The following CDH2 variants were observed in gnomAD, a reference collection of about 807,000 sequenced individuals.
CDH2 encodes the protein cadherin-2.
CDH2 carries 17 observed loss-of-function variants against 92.0 expected under a neutral mutation model. The observed-to-expected ratio is 0.18, with a 90% confidence interval of 0.13 to 0.28. The LOEUF (loss-of-function observed/expected upper bound fraction) is 0.28, where lower values mean the gene tolerates loss of function less well. Ranked by LOEUF, CDH2 falls within the 10% of genes least tolerant of loss-of-function variation. CDH2 has a pLI of 1.00. For synonymous variants in CDH2, 419 were observed against 415.9 expected, an observed-to-expected ratio of 1.01 and a Z score of -0.09; for missense variants, 862 against 1,133.1, an observed-to-expected ratio of 0.76 and a Z score of 3.44.
chr18:27,947,140 G>A (rs1909287438), downstream of CDH2, among the ~76,000 whole-genome samples: 1 of 151,746 alleles, frequency 6.6e-6, no homozygotes, highest in Non-Finnish European at 1.5e-5. Context: ...ATGATTGTTT[G>A]TCAGGAAAAT....
At chr18:28,105,005 A>C (rs1464152927) in intron 2 of CDH2, among the ~76,000 whole-genome samples, 2 of 152,040 alleles carry the variant, frequency 1.3e-5, no homozygotes, top group East Asian at 3.9e-4. Flanking sequence ...TATTGAAGAA[A>C]ATTTTCAATG....
At chr18:27,975,155 T>TG (rs1255297738) in intron 14 of CDH2, among the ~76,000 whole-genome samples, 1 of 152,122 alleles carries the variant, frequency 6.6e-6, no homozygotes, top group Non-Finnish European at 1.5e-5. Context: ...CTGGAGAGAC[T>TG]GAGAAGAAAA....
intron 2 of CDH2, among the ~76,000 whole-genome samples, chr18:28,138,862 T>C (rs553179771): frequency 7.6e-4 from 116 of 152,202 alleles, no homozygotes; most frequent in African/African-American, 2.6e-3. Flanking sequence ...CTTGAATCAC[T>C]TTTTAACGGT....
downstream of CDH2, among the ~76,000 whole-genome samples, chr18:27,947,161 C>T (rs1567930725): frequency 6.6e-6 from 1 of 151,378 alleles, no homozygotes. Context: ...CCAAGAGAAT[C>T]GCCAAAAAGC....
intron 2 of CDH2, among the ~76,000 whole-genome samples, chr18:28,074,040 T>C (rs1237558957): frequency 6.6e-6 from 1 of 152,194 alleles, no homozygotes; most frequent in Non-Finnish European, 1.5e-5. Context: ...AGACTACAAA[T>C]TCTCTGCAAG....
intron 14 of CDH2, among the ~76,000 whole-genome samples, chr18:27,968,036 A>C (rs976607255): frequency 3.2e-4 from 48 of 152,276 alleles, no homozygotes; most frequent in African/African-American, 1.1e-3. Flanking sequence ...TTACCATTCC[A>C]CCAGTATTTA....
At chr18:28,098,583 G>A (rs931766366) in intron 2 of CDH2, among the ~76,000 whole-genome samples, 9 of 151,890 alleles carry the variant, frequency 5.9e-5, no homozygotes, top group Admixed American at 1.3e-4. Flanking sequence ...TTGACTACAC[G>A]TATTTTCTCG....
intron 14 of CDH2, among the ~76,000 whole-genome samples, chr18:27,966,010 A>T (rs983020126): frequency 1.3e-5 from 2 of 151,158 alleles, no homozygotes; most frequent in Non-Finnish European, 2.9e-5. Flanking sequence ...AAAAAAAAAA[A>T]AAAAAAGATT....
intron 2 of CDH2, among the ~76,000 whole-genome samples, chr18:28,114,409 C>A (rs2015461436): frequency 1.3e-5 from 2 of 152,118 alleles, no homozygotes; most frequent in South Asian, 4.1e-4. Context: ...AGCCTCTATG[C>A]ACACAGTACA....
At chr18:28,055,418 T>G (rs970597393) in intron 2 of CDH2, among the ~76,000 whole-genome samples, 3 of 152,118 alleles carry the variant, frequency 2.0e-5, no homozygotes, top group Admixed American at 2.0e-4. Context: ...AGGCTTGAAA[T>G]TTGACTACAG....
chr18:28,086,889 GA>G (rs1451301178), intron 2 of CDH2, among the ~76,000 whole-genome samples: 1 of 152,148 alleles, frequency 6.6e-6, no homozygotes, highest in Admixed American at 6.5e-5. Flanking sequence ...TAACCAGAGA[GA>G]TTGGGCTTTT....
intron 14 of CDH2, among the ~76,000 whole-genome samples, chr18:27,972,070 T>C (rs1567943567): frequency 2.6e-5 from 4 of 151,968 alleles, no homozygotes; most frequent in Non-Finnish European, 5.9e-5. Context: ...GGCGGGTTTG[T>C]TCTCAAGTGG....
intron 1 of CDH2, among the ~76,000 whole-genome samples, chr18:28,174,895 AC>A (rs2016514301): frequency 6.6e-6 from 1 of 152,148 alleles, no homozygotes; most frequent in Admixed American, 6.5e-5. Context: ...AAATAAGACG[AC>A]CCAATGCTGT....
rs770504867 is a variant in CDH2, at chr18:27,952,276, A to C, written c.2598T>G (p.Thr866=). 28 of 1,613,538 alleles carry C rather than the reference A, an allele frequency of 1.7e-5. No homozygotes were observed. The highest frequency in any genetic ancestry group is 1.9e-5 in the Non-Finnish European group (22 of 1,179,712). ...AATTAAGGGAGCTCAAGGACCCAGC[A>C]GTGGAGCCACTGCCTTCATAGTCAA... The part of the protein sequence containing the change: ...LVFDYEGSGS[T]AGSLSSLNSS... Residue 866 remains threonine (T), a synonymous_variant, in exon 16 of 16, where the codon ACT becomes ACG. Transcript: ENST00000269141.
In CDH2 at chr18:27,951,814, C is replaced by A; in HGVS notation, c.*339G>T. On this transcript the variant is annotated 3_prime_UTR_variant, in exon 16 of 16. Coordinates refer to ENST00000269141, the MANE Select transcript of CDH2 (RefSeq NM_001792.5). ...ATCATGGTTTAACTTACTGCTCCCA[C>A]CACAAAATATTTTGTCTTTTACTTA... 4.5e-6 allele frequency: 1 copy of A among 224,172 alleles called. No individual in the cohort carries two copies. The highest frequency in any genetic ancestry group is 5.1e-5 in the Admixed American group (1 of 19,514). The allele number at this position is 224,172 out of a possible 1,614,324, so 13.9% of individuals were successfully genotyped here.
chr18:28,013,651 AC>A, intron 3 of CDH2, 31 bp downstream of exon 3: 15 of 1,510,108 alleles, frequency 9.9e-6, no homozygotes, highest in Non-Finnish European at 1.4e-5. Context: ...CTGATTTTTA[AC>A]CAGCCCTAAA....
chr18:27,938,791 C>T (rs1411518863), intron 6 of CDH2, among the ~76,000 whole-genome samples: 1 of 152,080 alleles, frequency 6.6e-6, no homozygotes, highest in African/African-American at 2.4e-5. Flanking sequence ...TGTGTGTAAT[C>T]TAGCAGAATT....
At chr18:28,089,716 A>C (rs2015002123) in intron 2 of CDH2, among the ~76,000 whole-genome samples, 1 of 152,208 alleles carries the variant, frequency 6.6e-6, no homozygotes, top group African/African-American at 2.4e-5. Context: ...TCTTAAAACA[A>C]GATTAAAGAA....
At chr18:28,046,281 A>T (rs1056034156) in intron 2 of CDH2, among the ~76,000 whole-genome samples, 2 of 152,212 alleles carry the variant, frequency 1.3e-5, no homozygotes, top group African/African-American at 4.8e-5. Flanking sequence ...ACTTCAATAC[A>T]TTTACACATA....
Sources: gnomAD v4.1 joint callset for allele counts (sites outside exome capture counted in the v4.1 genomes callset) on GRCh38, gnomAD v4.1.1 for gene constraint, MANE v1.5 for transcripts, NCBI Gene and HGNC (gene_info 2026-07-23, HGNC 2026-07-21) for gene names.